MIA2: variants seen among roughly 807,000 people sequenced by gnomAD.
MIA2 encodes the protein MIA SH3 domain ER export factor 2, also known as melanoma inhibitory activity protein 2.
MIA2 carries 127 observed loss-of-function variants against 167.8 expected under a neutral mutation model. That is an observed-to-expected ratio of 0.76 (90% CI 0.66 to 0.88). The LOEUF (loss-of-function observed/expected upper bound fraction) is 0.88. MIA2 is among the 40% of genes least tolerant of loss of function. MIA2 has a pLI of 0.00. For synonymous variants in MIA2, 552 were observed against 541.9 expected (o/e 1.02, Z -0.26); for missense variants, 1,690 against 1,624.7 (o/e 1.04, Z -0.69).
chr14:39,263,916 G>A (rs531527052), intron 6 of MIA2, among the ~76,000 whole-genome samples: 152 of 152,202 alleles, frequency 1.0e-3, no homozygotes, highest in African/African-American at 3.3e-3. Flanking sequence ...TTATAGGTGT[G>A]AGCCAACCAC....
At position 39,252,809 on chromosome 14, in the gene MIA2, A is replaced by G. The variant is rs766352911; in HGVS notation, c.1629A>G (p.Ser543=). The change falls in exon 5 of 29, where the codon TCA becomes TCG. Residue 543 remains serine, a synonymous_variant. Coordinates refer to ENST00000640607, the MANE Select transcript of MIA2 (RefSeq NM_001329214.4). ...RIHEEVYFEP[S]SSKDSDENSK... ...ACGAAGAAGTATATTTTGAACCCTCATCTTCTAAAGATAGTGATGAAAATT... is the reference window on the plus strand; with the variant it reads ...ACGAAGAAGTATATTTTGAACCCTCGTCTTCTAAAGATAGTGATGAAAATT... 6.2e-7 allele frequency: 1 copy of G among 1,613,842 alleles called. No individual in the cohort carries two copies. The highest frequency in any genetic ancestry group is 1.3e-5 in the African/African-American group (1 of 74,940).
chr14:39,365,366 T>G (rs1253285331), intron 23 of MIA2, among the ~76,000 whole-genome samples: 1 of 152,208 alleles, frequency 6.6e-6, no homozygotes, highest in Non-Finnish European at 1.5e-5. Flanking sequence ...GGCCATTAAA[T>G]AGGTTTTCAG....
At chr14:39,352,330 A>G (rs949602776), downstream of MIA2, among the ~76,000 whole-genome samples, 1 of 151,680 alleles carries the variant, frequency 6.6e-6, no homozygotes, top group Non-Finnish European at 1.5e-5. Context: ...GTTCCATGTG[A>G]ATCATCTATC....
At chr14:39,378,446 ATATC>A (rs1235918288) in intron 23 of MIA2, among the ~76,000 whole-genome samples, 2 of 152,218 alleles carry the variant, frequency 1.3e-5, no homozygotes, top group South Asian at 2.1e-4. Context: ...CCATAAATCT[ATATC>A]TAAGAGTACT....
At chr14:39,353,299 CTGTA>C (rs2074439321), downstream of MIA2, among the ~76,000 whole-genome samples, 1 of 152,158 alleles carries the variant, frequency 6.6e-6, no homozygotes, top group Admixed American at 6.5e-5. Context: ...TTTCATCTAA[CTGTA>C]TGTTTGTACC....
Position 39,288,290 on chromosome 14 carries a change from A to G in MIA2, c.2131-2729A>G, listed in dbSNP as rs529256984. On this transcript the variant is annotated intron_variant, in intron 9 of 28. Coordinates refer to ENST00000640607, the MANE Select transcript of MIA2 (RefSeq NM_001329214.4). Reference sequence around the variant, plus strand: ...CAACCTGGGCAACATAGGAGAACCTATCTCTCAAAAGAAAAAAAAAATGGA... The same window carrying G: ...CAACCTGGGCAACATAGGAGAACCTGTCTCTCAAAAGAAAAAAAAAATGGA... 2.0e-4 allele frequency among the ~76,000 whole-genome samples: 31 copies of G among 151,336 alleles called. 1 individual carries two copies. Among genetic ancestry groups the G allele is most frequent in the Admixed American group, 1.8e-3 (27 of 15,164 alleles).
At position 39,350,115 on chromosome 14, in the gene MIA2, C is replaced by G. The variant is rs2074214927; in HGVS notation, c.4090C>G (p.Pro1364Ala). Residue 1364 changes from proline (P) to alanine (A), a missense_variant, in exon 29 of 29, where the codon CCG becomes GCG. Pro to Ala is a conservative substitution (Grantham distance 27, BLOSUM62 -1). Transcript: ENST00000640607. ...TTGAACAGTGAGAAATGTCTATCCA[C>G]CGAGGGGTTTTCCTCCTTACCTTCC... ...APFAMRNVYP[P>A]RGFPPYLPPR... is the part of the protein sequence containing the mutation. The G allele has an allele frequency of 1.5e-6, 2 of 1,354,854 alleles. No homozygotes were observed. The highest frequency in any genetic ancestry group is 2.5e-5 in the Admixed American group (1 of 40,644). The allele number at this position is 1,354,854 out of a possible 1,614,324, so 83.9% of individuals were successfully genotyped here. A position where few individuals can be genotyped will look rare whatever the true frequency, so the allele number is the denominator to read the frequency against.
chr14:39,237,163 C>T, intron 2 of MIA2, 108 bp downstream of exon 2: 1 of 1,260,742 alleles, frequency 7.9e-7, no homozygotes, highest in South Asian at 1.3e-5. Context: ...CTCTGTCGCC[C>T]AGGCTGGAAT....
At chr14:39,387,051 G>C in exon 24 of MIA2, 13 of 689,406 alleles carry the variant, frequency 1.9e-5, no homozygotes, top group Non-Finnish European at 2.5e-6. Context: ...CGGGTAGCTG[G>C]CGGCGGGTAA....
intron 6 of MIA2, chr14:39,267,617 G>A: frequency 1.4e-6 from 2 of 1,418,304 alleles, no homozygotes; most frequent in Non-Finnish European, 1.9e-6. Context: ...CTAAGCCGCC[G>A]TGGTCAGAGG....
chr14:39,356,270 G>A (rs1030522914), downstream of MIA2, among the ~76,000 whole-genome samples: 1 of 152,118 alleles, frequency 6.6e-6, no homozygotes, highest in East Asian at 1.9e-4. Context: ...CTTCTTCCTG[G>A]TTTAGTCTTG....
chr14:39,318,028 G>T lies in MIA2; in HGVS notation c.3284+17G>T. On this transcript the variant is annotated intron_variant, in intron 22 of 28. Transcript: ENST00000640607. ...CAGACAAAAGTAAGTATCTTAGTGG[G>T]AACATTTAAAATTAGTTATTCTGTT... 6.5e-7 allele frequency: 1 copy of T among 1,529,534 alleles called. No homozygotes were observed. The highest frequency in any genetic ancestry group is 8.8e-7 in the Non-Finnish European group (1 of 1,130,450). The allele number at this position is 1,529,534 out of a possible 1,614,324, so 94.7% of individuals were successfully genotyped here. A position where few individuals can be genotyped will look rare whatever the true frequency, so the allele number is the denominator to read the frequency against.
downstream of MIA2, among the ~76,000 whole-genome samples, chr14:39,354,373 G>A (rs1255813166): frequency 6.6e-6 from 1 of 152,192 alleles, no homozygotes; most frequent in Non-Finnish European, 1.5e-5. Context: ...CTTTTGAGAA[G>A]TGTCTGTTCA....
intron 6 of MIA2, among the ~76,000 whole-genome samples, chr14:39,269,546 T>G (rs1401720219): frequency 6.6e-6 from 1 of 150,760 alleles, no homozygotes; most frequent in Non-Finnish European, 1.5e-5. Flanking sequence ...TGAGACAGGG[T>G]CTCATCCCTG....
chr14:39,344,466 A>G (rs1447327694), intron 25 of MIA2, among the ~76,000 whole-genome samples: 1 of 152,226 alleles, frequency 6.6e-6, no homozygotes, highest in Non-Finnish European at 1.5e-5. Context: ...AAGGGAGTGT[A>G]AATGAGCCTT....
chr14:39,349,002 T>TA, intron 28 of MIA2, 25 bp downstream of exon 28: 3 of 1,589,998 alleles, frequency 1.9e-6, no homozygotes, highest in Non-Finnish European at 2.6e-6. Context: ...ACTTTTTTTT[T>TA]AAAGCTCAAT....
At position 39,247,119 on chromosome 14, in the gene MIA2, A is replaced by G. The variant is rs2054351816; in HGVS notation, c.545A>G (p.Glu182Gly). ...TLFEDQVPAL[E>G]APEDIGSTSE... ...TTTGAAGACCAAGTTCCAGCATTAGAGGCTCCTGAAGATATCGGAAGTACC... is the reference window on the plus strand; with the variant it reads ...TTTGAAGACCAAGTTCCAGCATTAGGGGCTCCTGAAGATATCGGAAGTACC... Residue 182 changes from glutamate (E) to glycine (G), a missense_variant, in exon 4 of 29, where the codon GAG becomes GGG. Coordinates refer to ENST00000640607, the MANE Select transcript of MIA2 (RefSeq NM_001329214.4). The G allele has an allele frequency of 1.2e-6, 2 of 1,610,630 alleles. No individual in the cohort carries two copies. Among genetic ancestry groups the G allele is most frequent in the Non-Finnish European group, 8.5e-7 (1 of 1,179,232 alleles).
At chr14:39,283,119 A>C (rs138952634) in intron 9 of MIA2, among the ~76,000 whole-genome samples, 134 of 152,254 alleles carry the variant, frequency 8.8e-4, no homozygotes, top group African/African-American at 3.1e-3. Context: ...TATATACCAC[A>C]GTTTCTTTAT....
At chr14:39,347,868 C>A in intron 27 of MIA2, 97 bp downstream of exon 27, 1 of 1,177,794 alleles carries the variant, frequency 8.5e-7, no homozygotes, top group Non-Finnish European at 1.1e-6. Context: ...GTTGCCCAAG[C>A]TGGAGTGCAG....
Sources: allele counts gnomAD v4.1 joint callset (sites outside exome capture counted in the v4.1 genomes callset), GRCh38; gene constraint gnomAD v4.1.1; transcripts MANE v1.5; gene names NCBI Gene and HGNC (gene_info 2026-07-23, HGNC 2026-07-21).